The following RIPK2 variants were observed in gnomAD, a reference collection of about 807,000 sequenced individuals.
The protein encoded by RIPK2 is receptor interacting serine/threonine kinase 2.
Under a neutral mutation model 60.9 loss-of-function variants are expected in RIPK2, and 38 were observed. The ratio of observed to expected loss-of-function variants is 0.62; its 90% CI spans 0.48 to 0.82. The LOEUF is 0.82. Among genes scored for constraint, RIPK2 ranks in the 40% least tolerant of loss-of-function variants. The pLI, the probability that RIPK2 is intolerant of heterozygous loss-of-function variation, is 0.00. For synonymous variants in RIPK2, 225 were observed against 223.4 expected (o/e 1.01, Z -0.06); for missense variants, 518 against 647.0 (o/e 0.80, Z 2.16).
chr8:89,773,897 T>G (rs1809355102), intron 6 of RIPK2, among the ~76,000 whole-genome samples: 1 of 152,124 alleles, frequency 6.6e-6, no homozygotes, highest in Admixed American at 6.6e-5. Flanking sequence ...ATTGGAAACT[T>G]TTCCACTTCG....
chr8:89,768,671 A>G (rs1260230408), intron 3 of RIPK2, among the ~76,000 whole-genome samples: 2 of 151,626 alleles, frequency 1.3e-5, no homozygotes, highest in East Asian at 1.9e-4. Context: ...TGTGAATTCA[A>G]TTTTAAAATT....
At chr8:89,760,700 T>G (rs1164468594) in intron 1 of RIPK2, among the ~76,000 whole-genome samples, 1 of 152,222 alleles carries the variant, frequency 6.6e-6, no homozygotes, top group Non-Finnish European at 1.5e-5. Flanking sequence ...CTTAGTGCCC[T>G]CATTTATAAA....
rs138244165 is a variant in RIPK2 at position 89,775,958 on chromosome 8, T to C, written c.853+3130T>C. Among the ~76,000 whole-genome samples, 521 of 152,310 alleles carry C rather than the reference T, an allele frequency of 3.4e-3. 3 individuals carry two copies. The highest frequency in any genetic ancestry group is 0.012 in the African/African-American group (499 of 41,558). ...ATGTTGATCAGAATATCAGTTTCAT[T>C]ACTGATAAAGCTAATTGGAGAATGT... On this transcript the variant is annotated intron_variant, in intron 6 of 10. Transcript: ENST00000220751.
At chr8:89,771,442 T>C (rs544451765) in intron 4 of RIPK2, among the ~76,000 whole-genome samples, 10 of 152,020 alleles carry the variant, frequency 6.6e-5, no homozygotes, top group African/African-American at 2.2e-4. Context: ...AAAAATAATA[T>C]CATTTAATTA....
At chr8:89,783,911 A>C (rs368189899) in intron 7 of RIPK2, 139 bp from the exon 8 acceptor site, 2 of 475,402 alleles carry the variant, frequency 4.2e-6, no homozygotes, top group South Asian at 8.7e-5. Flanking sequence ...CTTCAGTTAT[A>C]TGTTATATTC....
chr8:89,778,505 A>G (rs1428647787), intron 6 of RIPK2, among the ~76,000 whole-genome samples: 1 of 152,136 alleles, frequency 6.6e-6, no homozygotes, highest in Non-Finnish European at 1.5e-5. Context: ...CCAGTAATCT[A>G]TTCTCTGTCT....
intron 9 of RIPK2, among the ~76,000 whole-genome samples, chr8:89,788,346 TA>T (rs370154624): frequency 1.6e-3 from 226 of 144,568 alleles, no homozygotes; most frequent in Middle Eastern, 3.5e-3. Flanking sequence ...CTATCTCAAT[TA>T]AAAAAAAAAA....
chr8:89,779,737 G>A (rs926524994), intron 6 of RIPK2, among the ~76,000 whole-genome samples: 2 of 152,144 alleles, frequency 1.3e-5, no homozygotes, highest in Non-Finnish European at 2.9e-5. Flanking sequence ...TTCATTTCAA[G>A]TTAGTTTTTA....
intron 3 of RIPK2, among the ~76,000 whole-genome samples, chr8:89,766,714 A>G (rs1369665812): frequency 2.0e-5 from 3 of 151,536 alleles, no homozygotes; most frequent in African/African-American, 4.8e-5. Flanking sequence ...ATGTGTAGTG[A>G]TATCTCATCT....
intron 7 of RIPK2, among the ~76,000 whole-genome samples, chr8:89,783,170 T>C (rs755620961): frequency 6.6e-6 from 1 of 152,152 alleles, no homozygotes; most frequent in Non-Finnish European, 1.5e-5. Context: ...AATTCACCAT[T>C]TTCCAAATTC....
In RIPK2 at chr8:89,758,073, G is replaced by A. The variant is rs780464627; in HGVS notation, c.13G>A (p.Ala5Thr). The change falls in exon 1 of 11, where the codon GCC (alanine) becomes ACC (threonine). Residue 5 changes from alanine (A) to threonine (T), a missense_variant. By Grantham distance (58) the Ala-to-Thr change is moderately conservative. Around this residue, in one of 3 missense-constraint regions of RIPK2, gnomAD observed 448 missense variants for 534.7 expected, o/e 0.84. Transcript: ENST00000220751. Reference sequence around the variant, plus strand: ...AGCGCCCGGGACCATGAACGGGGAGGCCATCTGCAGCGCCCTGCCCACCAT... The same window carrying A: ...AGCGCCCGGGACCATGAACGGGGAGACCATCTGCAGCGCCCTGCCCACCAT... MNGE[A>T]ICSALPTIPY... 2.7e-5 allele frequency: 44 copies of A among 1,601,190 alleles called. No individual in the cohort carries two copies. The East Asian group carries it at 1.0e-3, about 36-fold the overall frequency.
intron 7 of RIPK2, among the ~76,000 whole-genome samples, chr8:89,783,570 C>A (rs1177443361): frequency 6.6e-6 from 1 of 152,110 alleles, no homozygotes; most frequent in Non-Finnish European, 1.5e-5. Flanking sequence ...GACACTCTAC[C>A]TCCTTTACTT....
chr8:89,780,784 G>A (rs1809485823), intron 7 of RIPK2: 1 of 151,946 alleles, frequency 6.6e-6, no homozygotes, highest in Admixed American at 6.6e-5. Flanking sequence ...AGACCAAAGT[G>A]TGTTTGTGGT....
At chr8:89,758,696 GC>G (rs1237889629) in intron 1 of RIPK2, among the ~76,000 whole-genome samples, 1 of 152,146 alleles carries the variant, frequency 6.6e-6, no homozygotes, top group Admixed American at 6.5e-5. Context: ...TGGCTATTGA[GC>G]ACTTGAAATG....
At chr8:89,778,345 A>G (rs1440705613) in intron 6 of RIPK2, among the ~76,000 whole-genome samples, 1 of 152,206 alleles carries the variant, frequency 6.6e-6, no homozygotes, top group East Asian at 1.9e-4. Context: ...CATAAAATTT[A>G]TCTATACATT....
chr8:89,760,558 T>C (rs1809127982), intron 1 of RIPK2, among the ~76,000 whole-genome samples: 1 of 152,250 alleles, frequency 6.6e-6, no homozygotes, highest in African/African-American at 2.4e-5. Flanking sequence ...AGAACTTTCC[T>C]ACTATATTCT....
chr8:89,770,011 A>G, intron 4 of RIPK2, 82 bp downstream of exon 4: 1 of 1,103,776 alleles, frequency 9.1e-7, no homozygotes, highest in Non-Finnish European at 1.3e-6. Flanking sequence ...GCTACATTTT[A>G]AACTGTGATT....
At chr8:89,772,288 T>C (rs1329517679) in intron 5 of RIPK2, among the ~76,000 whole-genome samples, 1 of 152,066 alleles carries the variant, frequency 6.6e-6, no homozygotes, top group African/African-American at 2.4e-5. Context: ...CAGCTTGTTG[T>C]GTAACAAAAA....
chr8:89,780,421 C>A, intron 7 of RIPK2: 1 of 201,486 alleles, frequency 5.0e-6, no homozygotes, highest in Non-Finnish European at 1.0e-5. Flanking sequence ...CCTGTAATCC[C>A]AGCACTTTGA....
Sources: allele counts gnomAD v4.1 joint callset (sites outside exome capture counted in the v4.1 genomes callset), GRCh38; gene constraint gnomAD v4.1.1; regional missense constraint gnomAD v4.1.1; transcripts MANE v1.5; gene names NCBI Gene and HGNC (gene_info 2026-07-23, HGNC 2026-07-21).